Variants in TTC3 observed in about 807,000 individuals in gnomAD.
The protein encoded by TTC3 is tetratricopeptide repeat domain 3.
In TTC3, 180 loss-of-function variants were observed where a neutral mutation model predicts 249.6. The observed-to-expected ratio is 0.72, with a 90% CI of 0.64 to 0.82. The LOEUF is 0.82. Ranked by LOEUF, TTC3 falls within the 40% of genes least tolerant of loss-of-function variation. The probability of loss-of-function intolerance (pLI) is 0.00; values close to 1 mark genes in which losing one functional copy is unlikely to be tolerated. For missense variants in TTC3, 2,061 were observed against 2,398.4 expected, an observed-to-expected ratio of 0.86 and a Z score of 2.94; for synonymous variants, 717 against 805.0, an observed-to-expected ratio of 0.89 and a Z score of 1.85.
At position 37,135,375 on chromosome 21, in the gene TTC3, TCCAGGA is replaced by T. The variant is rs1446214191; in HGVS notation, c.1444-4_1445del. On this transcript the variant is annotated splice_acceptor_variant and splice_polypyrimidine_tract_variant and coding_sequence_variant and intron_variant, in exon 18 of 46. Transcript: ENST00000355666. LOFTEE classifies it high-confidence loss of function. The stretch of plus-strand genomic sequence containing the variant: ...GGTTACTGAAATAGAATTTCTTTTT[TCCAGGA>T]TTTTGCTAATATAATGAAAATGCTG... 6.2e-7 allele frequency: 1 copy of T among 1,602,712 alleles called. No individual in the cohort carries two copies. The highest frequency in any genetic ancestry group is 8.5e-7 in the Non-Finnish European group (1 of 1,173,960).
chr21:37,076,793 C>G (rs886510676), intron 1 of TTC3, among the ~76,000 whole-genome samples: 54 of 148,136 alleles, frequency 3.6e-4, no homozygotes, highest in African/African-American at 1.3e-3. Flanking sequence ...ACCTCTGCCT[C>G]CCAAGTTCAA....
intron 33 of TTC3, 42 bp from the exon 34 acceptor site, chr21:37,167,513 C>A (rs766982057): frequency 2.8e-6 from 4 of 1,445,662 alleles, no homozygotes; most frequent in East Asian, 4.7e-5. Context: ...TTTACTAGAG[C>A]GATTGAGATA....
At chr21:37,169,857 AAAAC>A (rs2081591650) in intron 34 of TTC3, among the ~76,000 whole-genome samples, 1 of 148,708 alleles carries the variant, frequency 6.7e-6, no homozygotes. Context: ...CAAAAAAAAA[AAAAC>A]AAAAAACAAA....
intron 21 of TTC3, among the ~76,000 whole-genome samples, chr21:37,146,510 C>T (rs183513057): frequency 6.6e-5 from 10 of 151,256 alleles, no homozygotes; most frequent in South Asian, 2.1e-4. Flanking sequence ...CAGAGTGAGA[C>T]GCTGTCTCAA....
At chr21:37,185,462 AT>A (rs2083156206) in intron 36 of TTC3, among the ~76,000 whole-genome samples, 1 of 152,168 alleles carries the variant, frequency 6.6e-6, no homozygotes. Flanking sequence ...AGATAGGGTG[AT>A]TTACCTGTAA....
intron 9 of TTC3, among the ~76,000 whole-genome samples, chr21:37,095,697 A>G (rs1350174579): frequency 6.6e-6 from 1 of 152,230 alleles, no homozygotes; most frequent in Non-Finnish European, 1.5e-5. Context: ...TTTCCAGTAC[A>G]GAGTTACCTC....
intron 25 of TTC3, among the ~76,000 whole-genome samples, chr21:37,151,680 C>T (rs984447443): frequency 1.1e-4 from 16 of 152,114 alleles, no homozygotes; most frequent in Non-Finnish European, 1.9e-4. Context: ...TAGACTGCAT[C>T]CTTAGACATC....
chr21:37,200,198 A>T, intron 44 of TTC3, 34 bp from the exon 45 acceptor site: 1 of 1,597,960 alleles, frequency 6.3e-7, no homozygotes, highest in Non-Finnish European at 8.6e-7. Context: ...AACTGTAGTT[A>T]TTCTTTACTA....
At position 37,197,638 on chromosome 21, in the gene TTC3, T is replaced by C; in HGVS notation, c.5648T>C (p.Ile1883Thr). 5 of 1,612,188 alleles carry C rather than the reference T, an allele frequency of 3.1e-6. No individual in the cohort carries two copies. Among genetic ancestry groups the C allele is most frequent in the Non-Finnish European group, 4.2e-6 (5 of 1,179,844 alleles). ...AAGAACTCACTCTCAGGATTGAGTA[T>C]TGATGAAATTGTCCAAAGAGTGACA... The change falls in exon 43 of 46, where the codon ATT becomes ACT. Residue 1883 changes from isoleucine to threonine, a missense_variant. This residue lies in a region of TTC3 where 1,040 missense variants were observed against 1,186.1 expected (regional missense o/e 0.88). Transcript: ENST00000355666.
chr21:37,166,807 C>T (rs1309662428), intron 33 of TTC3, among the ~76,000 whole-genome samples, 192 bp downstream of exon 33: 1 of 152,152 alleles, frequency 6.6e-6, no homozygotes, highest in East Asian at 1.9e-4. Flanking sequence ...CAGAAAGAAG[C>T]TTGGGTCCAA....
intron 35 of TTC3, among the ~76,000 whole-genome samples, chr21:37,177,582 G>A (rs919461488): frequency 7.2e-5 from 11 of 152,098 alleles, no homozygotes; most frequent in African/African-American, 2.7e-4. Context: ...CTAATTTAAT[G>A]GATAATGTTT....
chr21:37,199,303 TA>T (rs1230230734), intron 44 of TTC3, among the ~76,000 whole-genome samples: 1 of 152,232 alleles, frequency 6.6e-6, no homozygotes, highest in Non-Finnish European at 1.5e-5. Context: ...TGCCAGCTGC[TA>T]AAGACCCAGA....
intron 10 of TTC3, chr21:37,098,119 C>T: frequency 4.0e-6 from 2 of 505,238 alleles, no homozygotes; most frequent in Non-Finnish European, 7.1e-6. Context: ...TACCACTGTC[C>T]TCAACGGGTT....
At chr21:37,075,161 A>G (rs1601167132) in intron 1 of TTC3, among the ~76,000 whole-genome samples, 1 of 125,308 alleles carries the variant, frequency 8.0e-6, no homozygotes, top group South Asian at 2.5e-4. Context: ...CCTTTTTGCA[A>G]CTTGCTTTTT....
chr21:37,182,823 T>C (rs1276718894), exon 36 of TTC3: 2 of 1,594,050 alleles, frequency 1.3e-6, no homozygotes, highest in African/African-American at 2.7e-5. Flanking sequence ...GAAAGAGAAA[T>C]TAAAAAATGG....
chr21:37,105,062 T>G (rs1023513668), intron 10 of TTC3, among the ~76,000 whole-genome samples: 2 of 152,102 alleles, frequency 1.3e-5, no homozygotes, highest in Non-Finnish European at 2.9e-5. Context: ...AAAGACTAAG[T>G]GTGGTGTCAT....
intron 9 of TTC3, 168 bp downstream of exon 9, chr21:37,095,612 A>G (rs777927980): frequency 8.5e-6 from 4 of 470,710 alleles, no homozygotes; most frequent in Non-Finnish European, 1.5e-5. Flanking sequence ...GCCTGGGTAT[A>G]TGAAGCTAAC....
At chr21:37,173,989 A>ATTCCCATGTGGGAATTCCTGTAGC (rs1468019947) in intron 35 of TTC3, among the ~76,000 whole-genome samples, 2 of 152,244 alleles carry the variant, frequency 1.3e-5, no homozygotes, top group African/African-American at 4.8e-5. Context: ...TTCAGTTTTA[A>ATTCCCATGTGGGAATTCCTGTAGC]TTCCCATGTG....
At chr21:37,147,368 T>G in intron 21 of TTC3, 113 bp from the exon 22 acceptor site, 1 of 992,468 alleles carries the variant, frequency 1.0e-6, no homozygotes, top group South Asian at 2.2e-5. Context: ...GTGAAAAAAT[T>G]TAGTCATTCT....
Sources: allele counts gnomAD v4.1 joint callset (sites outside exome capture counted in the v4.1 genomes callset), GRCh38; gene constraint gnomAD v4.1.1; regional missense constraint gnomAD v4.1.1; transcripts MANE v1.5; gene names NCBI Gene and HGNC (gene_info 2026-07-23, HGNC 2026-07-21).